Variants in SFI1 observed in about 807,000 individuals in gnomAD.
The protein encoded by SFI1 is SFI1 centrin binding protein.
SFI1 carries 195 observed loss-of-function variants against 207.5 expected under a neutral mutation model. The ratio of observed to expected loss-of-function variants is 0.94; its 90% CI spans 0.84 to 1.06. The LOEUF (loss-of-function observed/expected upper bound fraction) is 1.06, where lower values mean the gene tolerates loss of function less well. Among genes scored for constraint, SFI1 ranks in the 50% least tolerant of loss-of-function variants. The probability of loss-of-function intolerance (pLI) is 0.00; values close to 1 mark genes in which losing one functional copy is unlikely to be tolerated. For synonymous variants in SFI1, 630 were observed against 598.9 expected, an observed-to-expected ratio of 1.05 and a Z score of -0.76; for missense variants, 1,634 against 1,588.0, an observed-to-expected ratio of 1.03 and a Z score of -0.49.
At chr22:31,617,883 C>T (rs1055264084) in intron 31 of SFI1, among the ~76,000 whole-genome samples, 1 of 152,074 alleles carries the variant, frequency 6.6e-6, no homozygotes, top group African/African-American at 2.4e-5. Flanking sequence ...GTGTTCTTGC[C>T]CAGGCCCACC....
chr22:31,498,100 C>T (rs1000380396), intron 1 of SFI1, among the ~76,000 whole-genome samples: 1 of 152,156 alleles, frequency 6.6e-6, no homozygotes, highest in African/African-American at 2.4e-5. Context: ...TGAGACCAGC[C>T]TGGCCAACAT....
intron 15 of SFI1, among the ~76,000 whole-genome samples, chr22:31,597,461 C>T (rs1430090142): frequency 6.6e-6 from 1 of 152,162 alleles, no homozygotes; most frequent in African/African-American, 2.4e-5. Context: ...GCTGGACAAG[C>T]CTGAGTTCAG....
chr22:31,512,904 T>C (rs978629397), intron 2 of SFI1, among the ~76,000 whole-genome samples: 1 of 152,148 alleles, frequency 6.6e-6, no homozygotes, highest in African/African-American at 2.4e-5. Flanking sequence ...GCCAGGATGG[T>C]CTTGATCTTC....
At chr22:31,556,400 T>G (rs931613837) in intron 6 of SFI1, among the ~76,000 whole-genome samples, 1 of 152,072 alleles carries the variant, frequency 6.6e-6, no homozygotes. Context: ...TTTTGTACTT[T>G]TAGTAGAGAT....
intron 2 of SFI1, among the ~76,000 whole-genome samples, chr22:31,516,581 G>A (rs1207006069): frequency 6.6e-6 from 1 of 151,938 alleles, no homozygotes; most frequent in Non-Finnish European, 1.5e-5. Flanking sequence ...CACTTTGGAA[G>A]GCCAACGCAG....
At chr22:31,574,200 C>G (rs1379711237) in intron 9 of SFI1, among the ~76,000 whole-genome samples, 3 of 152,174 alleles carry the variant, frequency 2.0e-5, no homozygotes, top group Non-Finnish European at 4.4e-5. Flanking sequence ...CCCAAACCTC[C>G]CTGCAGAAAT....
chr22:31,551,459 A>G (rs1354112102), intron 6 of SFI1, among the ~76,000 whole-genome samples: 2 of 152,078 alleles, frequency 1.3e-5, no homozygotes, highest in African/African-American at 4.8e-5. Context: ...AAGCCTCATG[A>G]TTACTGCACC....
chr22:31,587,288 C>T, intron 14 of SFI1: 1 of 257,884 alleles, frequency 3.9e-6, no homozygotes, highest in Admixed American at 4.1e-5. Context: ...AGGTTATATG[C>T]AGATGCCAAT....
At chr22:31,557,562 A>G (rs1303406214) in intron 7 of SFI1, among the ~76,000 whole-genome samples, 3 of 152,084 alleles carry the variant, frequency 2.0e-5, no homozygotes, top group Admixed American at 6.6e-5. Flanking sequence ...TATAAGATCG[A>G]TTTTCACATA....
chr22:31,523,419 T>C (rs2057511996), intron 2 of SFI1, among the ~76,000 whole-genome samples: 1 of 152,196 alleles, frequency 6.6e-6, no homozygotes, highest in Admixed American at 6.5e-5. Context: ...AAAAATCCAG[T>C]TTTAATTTCC....
intron 4 of SFI1, among the ~76,000 whole-genome samples, chr22:31,534,157 C>T (rs1184220531): frequency 6.6e-6 from 1 of 152,054 alleles, no homozygotes; most frequent in Non-Finnish European, 1.5e-5. Context: ...CTCGCTCTGT[C>T]GCTCAGGCTG....
intron 10 of SFI1, among the ~76,000 whole-genome samples, chr22:31,576,862 A>G (rs2063577823): frequency 6.6e-6 from 1 of 151,758 alleles, no homozygotes; most frequent in Non-Finnish European, 1.5e-5. Context: ...GGCTGGTCTC[A>G]AACTCCTGAC....
At chr22:31,606,075 G>A (rs540721960) in intron 20 of SFI1, 9 of 466,358 alleles carry the variant, frequency 1.9e-5, no homozygotes, top group East Asian at 7.2e-5. Flanking sequence ...TGTTATCCCC[G>A]TAGCACCTGG....
chr22:31,532,394 A>G (rs887244442), intron 4 of SFI1, among the ~76,000 whole-genome samples: 1 of 152,208 alleles, frequency 6.6e-6, no homozygotes, highest in African/African-American at 2.4e-5. Flanking sequence ...CACAGGAGTC[A>G]GGGACACCAT....
intron 15 of SFI1, among the ~76,000 whole-genome samples, chr22:31,594,016 G>GCAGAGGCAGCGGC (rs1233744961): frequency 6.8e-6 from 1 of 147,444 alleles, no homozygotes; most frequent in Admixed American, 6.8e-5. Context: ...CAGGGAGAGG[G>GCAGAGGCAGCGGC]AGAGGGAGAG....
rs779917449 is a variant in SFI1, at chr22:31,614,849, G to T, written c.3057G>T (p.Ala1019=). 6.2e-7 allele frequency: 1 copy of T among 1,613,818 alleles called. No individual in the cohort carries two copies. Among genetic ancestry groups the T allele is most frequent in the East Asian group, 2.2e-5 (1 of 44,870 alleles). Residue 1019 remains alanine, a synonymous_variant, in exon 28 of 33, where the codon GCG becomes GCT. Transcript: ENST00000400288. ...GCCCACACTTCCTGTTGGAGCCTGC[G>T]CAGAGCCAGAGGTCCCTGGGGTGCA... ...PRRPHFLLEP[A]QSQRPQKPQE...
intron 8 of SFI1, among the ~76,000 whole-genome samples, chr22:31,565,760 G>A (rs1159745803): frequency 2.0e-5 from 3 of 152,090 alleles, no homozygotes; most frequent in East Asian, 1.9e-4. Context: ...ATTTATGAAT[G>A]TTGTCATACT....
intron 15 of SFI1, among the ~76,000 whole-genome samples, chr22:31,593,010 C>T (rs1303087876): frequency 4.5e-4 from 52 of 114,442 alleles, no homozygotes; most frequent in African/African-American, 7.8e-4. Context: ...CCCTCCCGGA[C>T]GGCACGGCTG....
chr22:31,557,758 T>C (rs1240933571), intron 7 of SFI1, among the ~76,000 whole-genome samples: 1 of 152,214 alleles, frequency 6.6e-6, no homozygotes, highest in African/African-American at 2.4e-5. Flanking sequence ...GCCTAGCACA[T>C]ACAGGTTGTA....
Sources: gnomAD v4.1 joint callset for allele counts (sites outside exome capture counted in the v4.1 genomes callset) on GRCh38, gnomAD v4.1.1 for gene constraint, MANE v1.5 for transcripts, NCBI Gene and HGNC (gene_info 2026-07-23, HGNC 2026-07-21) for gene names.